Variants in PKD1 observed in about 807,000 individuals in gnomAD.
PKD1 encodes the protein polycystin-1.
In PKD1, 81 loss-of-function variants were observed where a neutral mutation model predicts 361.7. That is an observed-to-expected ratio of 0.22 (90% CI 0.19 to 0.27). The LOEUF (loss-of-function observed/expected upper bound fraction) is 0.27, where lower values mean the gene tolerates loss of function less well. Ranked by LOEUF, PKD1 falls within the 10% of genes least tolerant of loss-of-function variation. The pLI, the probability that PKD1 is intolerant of heterozygous loss-of-function variation, is 1.00. For synonymous variants in PKD1, 3,615 were observed against 2,818.3 expected (o/e 1.28, Z -8.95); for missense variants, 6,399 against 6,118.3 (o/e 1.05, Z -1.53).
At chr16:2,101,308 A>C (rs1333586902) in intron 26 of PKD1, among the ~76,000 whole-genome samples, 1 of 151,986 alleles carries the variant, frequency 6.6e-6, no homozygotes, top group African/African-American at 2.4e-5. Flanking sequence ...GTAGGTAATC[A>C]AAAGAAAGAA....
rs1454246706 is a variant in PKD1, at chr16:2,097,802, G to A, written c.10168-22C>T. ...CCTGCTGAGAGGTGCACAGTGTCTTGAGTCCAAGCTGCGCCAAGGCGGCAG... is the reference window on the plus strand; with the variant it reads ...CCTGCTGAGAGGTGCACAGTGTCTTAAGTCCAAGCTGCGCCAAGGCGGCAG... On this transcript the variant is annotated intron_variant, in intron 31 of 45. Transcript: ENST00000262304. 1.9e-6 allele frequency: 3 copies of A among 1,611,434 alleles called. No homozygotes were observed. The East Asian group carries it at 6.7e-5, about 36-fold the overall frequency.
At chr16:2,112,026 G>C (rs886890045) in intron 14 of PKD1, among the ~76,000 whole-genome samples, 155 bp from the exon 15 acceptor site, 1 of 152,238 alleles carries the variant, frequency 6.6e-6, no homozygotes, top group African/African-American at 2.4e-5. Flanking sequence ...GCGGGACGGA[G>C]CACAGGTGTA....
In PKD1 at chr16:2,107,637, G is replaced by A. The variant is rs554624500; in HGVS notation, c.7065+246C>T. On this transcript the variant is annotated intron_variant, in intron 16 of 45. Transcript: ENST00000262304. ...TGGGAAGGGGCTCTTCCTCACTGTT[G>A]GTATTGCTAGGGGACTGTGTAGCTT... 2.2e-5 allele frequency: 13 copies of A among 590,294 alleles called. No individual in the cohort carries two copies. In the Admixed American group the frequency reaches 2.9e-4, roughly 13 times the overall value. 36.6% of individuals were successfully genotyped at this position (590,294 alleles called of 1,614,324 possible).
chr16:2,110,716 G>A lies in PKD1; in HGVS notation c.4451C>T (p.Pro1484Leu), dbSNP rs759853409. 33 of 1,609,964 alleles carry A rather than the reference G, an allele frequency of 2.0e-5. No individual in the cohort carries two copies. Among genetic ancestry groups the A allele is most frequent in the African/African-American group, 6.7e-5 (5 of 74,864 alleles). ...NGSLGLELQQ[P>L]YLFSAVGRGR... ...ACGGCCCACAGCAGAGAACAGGTAC[G>A]GCTGCTGCAGCTCCAGCCCAAGGGA... Residue 1484 changes from proline to leucine, a missense_variant, in exon 15 of 46, where the codon CCG (proline) becomes CTG (leucine). Pro to Leu is a moderately conservative substitution (Grantham distance 98). Coordinates refer to ENST00000262304, the MANE Select transcript of PKD1 (RefSeq NM_001009944.3).
Position 2,106,519 on chromosome 16 carries a change from C to T in PKD1, c.7368G>A (p.Glu2456=). The change falls in exon 18 of 46, where the codon GAG becomes GAA. Residue 2456 remains glutamate (E), a synonymous_variant. Coordinates refer to ENST00000262304, the MANE Select transcript of PKD1 (RefSeq NM_001009944.3). This position sits in a 1 kb window ranked among gnomAD's most constrained non-coding sequence, Gnocchi z 6.5. ...GGCGGATGGAGGCGCAGCCCTCCTC[C>T]TCGCCAGAGCGGCCCAGCACCGTGA... is the stretch of plus-strand genomic sequence containing the variant. ...FTLTVLGRSG[E]EEGCASIRLS... The T allele has an allele frequency of 2.5e-6, 4 of 1,595,892 alleles. No homozygotes were observed. Among genetic ancestry groups the T allele is most frequent in the Non-Finnish European group, 3.4e-6 (4 of 1,178,900 alleles).
At chr16:2,112,736 G>C (rs2092549742) in intron 13 of PKD1, 52 bp downstream of exon 13, 17 of 1,568,348 alleles carry the variant, frequency 1.1e-5, no homozygotes, top group Non-Finnish European at 1.4e-5. Flanking sequence ...CTGAGGCTGG[G>C]GCTGGGACAA....
At position 2,109,319 on chromosome 16, in the gene PKD1, C is replaced by G. The variant is rs771669643; in HGVS notation, c.5848G>C (p.Val1950Leu). 2.0e-5 allele frequency: 31 copies of G among 1,587,504 alleles called. No homozygotes were observed. The highest frequency in any genetic ancestry group is 4.5e-5 in the East Asian group (2 of 44,560). ...FPRVGDHVVS[V>L]RGKNHVSWAQ... is the part of the protein sequence containing the mutation. Reference sequence around the variant, plus strand: ...CAGCTCACGTGGTTTTTGCCCCGCACGCTCACCACGTGGTCTCCGACGCGG... The same window carrying G: ...CAGCTCACGTGGTTTTTGCCCCGCAGGCTCACCACGTGGTCTCCGACGCGG... Residue 1950 changes from valine to leucine, a missense_variant, in exon 15 of 46, where the codon GTG becomes CTG. Physicochemically the swap from Val to Leu is conservative, Grantham distance 32. Transcript: ENST00000262304.
chr16:2,128,956 C>T (rs558568228), intron 1 of PKD1, among the ~76,000 whole-genome samples: 11 of 152,052 alleles, frequency 7.2e-5, no homozygotes, highest in Admixed American at 5.9e-4. Flanking sequence ...CTCCGCCTCC[C>T]GGGTTCAAGT....
chr16:2,104,859 A>G (rs2092273628), intron 21 of PKD1, among the ~76,000 whole-genome samples: 1 of 83,184 alleles, frequency 1.2e-5, no homozygotes, highest in South Asian at 4.7e-4. Flanking sequence ...CACCGACCAC[A>G]CAAGGCACCT....
rs200491536 is a variant in PKD1, at chr16:2,103,722, C to T, written c.8335G>A (p.Glu2779Lys). ...LNEEPLTLAG[E>K]EIVAQGKRSD... is the part of the protein sequence containing the mutation. Reference sequence around the variant, plus strand: ...CGCTTGCCCTGGGCCACGATCTCCTCGCCCGCCAGCGTCAGGGGCTCCTCG... The same window carrying T: ...CGCTTGCCCTGGGCCACGATCTCCTTGCCCGCCAGCGTCAGGGGCTCCTCG... The change falls in exon 23 of 46, where the codon GAG becomes AAG. Residue 2779 changes from glutamate (E) to lysine (K), a missense_variant. Physicochemically the swap from Glu to Lys is moderately conservative, Grantham distance 56. Coordinates refer to ENST00000262304, the MANE Select transcript of PKD1 (RefSeq NM_001009944.3). 3.6e-4 allele frequency: 577 copies of T among 1,609,856 alleles called. 2 individuals are homozygous for T. The highest frequency in any genetic ancestry group is 1.5e-4 in the Admixed American group (9 of 59,958).
chr16:2,115,691 G>T lies in PKD1; in HGVS notation c.1850-66C>A, dbSNP rs1486098757. 19 of 1,457,140 alleles carry T rather than the reference G, an allele frequency of 1.3e-5. No homozygotes were observed. The African/African-American group carries it at 2.6e-4, about 20-fold the overall frequency. The allele number at this position is 1,457,140 out of a possible 1,614,324, so 90.3% of individuals were successfully genotyped here. On this transcript the variant is annotated intron_variant, in intron 9 of 45. Transcript: ENST00000262304. ...AGGCCACCGTCAGAGATGCCCAACT[G>T]CCTGCACCAGCAATCCTGGCCTTGC...
chr16:2,109,410 G>A lies in PKD1; in HGVS notation c.5757C>T (p.Phe1919=), dbSNP rs373335256. The part of the protein sequence containing the change: ...ILLAAGSAVT[F]RLQVGGANPE... ...GGTTGGCCCCGCCGACCTGCAGGCG[G>A]AAGGTGACAGCTGAGCCGGCAGCCA... Residue 1919 remains phenylalanine, a synonymous_variant, in exon 15 of 46, where the codon TTC becomes TTT. Coordinates refer to ENST00000262304, the MANE Select transcript of PKD1 (RefSeq NM_001009944.3). The A allele has an allele frequency of 5.0e-6, 8 of 1,601,336 alleles. No individual in the cohort carries two copies. In the East Asian group the frequency reaches 1.1e-4, roughly 22 times the overall value.
In PKD1 at chr16:2,118,225, G is replaced by T; in HGVS notation, c.767C>A (p.Ala256Asp). ...GAGGGTGGGGCCCCTACAGGTGGGG[G>T]CAGGAGGTGGCGGGGGGCCGGAGCA... The part of the protein sequence containing the change: ...SLCSGPPPPP[A>D]PTCRGPTLLQ... The change falls in exon 5 of 46, where the codon GCC becomes GAC. Residue 256 changes from alanine to aspartate, a missense_variant. Coordinates refer to ENST00000262304, the MANE Select transcript of PKD1 (RefSeq NM_001009944.3). The surrounding 1 kb of genome is among the most constrained non-coding windows in gnomAD (Gnocchi z 6.0). The T allele has an allele frequency of 6.5e-7, 1 of 1,530,894 alleles. No homozygotes were observed. The highest frequency in any genetic ancestry group is 1.2e-5 in the South Asian group (1 of 84,336). 94.8% of individuals were successfully genotyped at this position (1,530,894 alleles called of 1,614,324 possible). A position where few individuals can be genotyped will look rare whatever the true frequency, so the allele number is the denominator to read the frequency against.
At chr16:2,122,128 G>A (rs2092730550) in intron 1 of PKD1, among the ~76,000 whole-genome samples, 1 of 152,248 alleles carries the variant, frequency 6.6e-6, no homozygotes, top group Non-Finnish European at 1.5e-5. Flanking sequence ...CCAGCTGAGG[G>A]GACAGAGCAG....
chr16:2,113,410 G>C lies in PKD1; in HGVS notation c.2854-118C>G. The C allele has an allele frequency of 3.7e-6, 4 of 1,089,464 alleles. No homozygotes were observed. The South Asian group carries it at 5.6e-5, about 15-fold the overall frequency. 67.5% of individuals were successfully genotyped at this position (1,089,464 alleles called of 1,614,324 possible). A position where few individuals can be genotyped will look rare whatever the true frequency, so the allele number is the denominator to read the frequency against. On this transcript the variant is annotated intron_variant, in intron 11 of 45. Coordinates refer to ENST00000262304, the MANE Select transcript of PKD1 (RefSeq NM_001009944.3). ...CCCACGCGGGGCACAGAGGAGAGGA[G>C]GTGCCCGGGGCTCTGCATGCCATGG...
In PKD1 at chr16:2,091,767, G is replaced by A. The variant is rs773539182; in HGVS notation, c.11537+14C>T. 1.2e-6 allele frequency: 2 copies of A among 1,609,786 alleles called. No individual in the cohort carries two copies. Among genetic ancestry groups the A allele is most frequent in the Admixed American group, 3.3e-5 (2 of 59,818 alleles). On this transcript the variant is annotated intron_variant, in intron 41 of 45. Transcript: ENST00000262304. ...TGCGGCCACCCCGGAGAGGGCAGGG[G>A]AGGGAGCTCCCACCTGTTGTCCAGC...
intron 1 of PKD1, among the ~76,000 whole-genome samples, chr16:2,133,599 G>A (rs1256127009): frequency 3.3e-5 from 5 of 152,026 alleles, no homozygotes; most frequent in South Asian, 2.1e-4. Flanking sequence ...CAGCACAGAG[G>A]GTGGCCTGGG....
In PKD1 at chr16:2,093,545, C is replaced by A. The variant is rs201220835; in HGVS notation, c.11015G>T (p.Arg3672Leu). ...GGCACAGGCCGCACCCAGGCTCACCCGCAGCATGCCATGTAGCCTCTTGAC... is the reference window on the plus strand; with the variant it reads ...GGCACAGGCCGCACCCAGGCTCACCAGCAGCATGCCATGTAGCCTCTTGAC... Reference protein sequence around the residue: ...RKVKRLHGMLRSLLVYMLFLL... With the variant: ...RKVKRLHGMLLSLLVYMLFLL... Residue 3672 changes from arginine to leucine, a missense_variant and splice_region_variant, in exon 37 of 46, where the codon CGG becomes CTG. By Grantham distance (102) the Arg-to-Leu change is moderately radical. Coordinates refer to ENST00000262304, the MANE Select transcript of PKD1 (RefSeq NM_001009944.3). The A allele has an allele frequency of 1.3e-6, 2 of 1,597,364 alleles. No homozygotes were observed. Among genetic ancestry groups the A allele is most frequent in the East Asian group, 4.5e-5 (2 of 44,218 alleles).
At position 2,104,201 on chromosome 16, in the gene PKD1, A is replaced by G. The variant is rs192855696; in HGVS notation, c.8161+297T>C. 0.012 allele frequency among the ~76,000 whole-genome samples: 169 copies of G among 14,612 alleles called. 5 individuals carry two copies. In the East Asian group the frequency reaches 0.15, roughly 13 times the overall value. 9.6% of individuals were successfully genotyped at this position (14,612 alleles called of 152,430 possible). ...GGGGGAAAGGGAGGGGAAGGGGGAT[A>G]AGGGAGGGGAAGGGGGATGAGGGGG... On this transcript the variant is annotated intron_variant, in intron 22 of 45. Transcript: ENST00000262304.
Sources: gnomAD v4.1 joint callset for allele counts (sites outside exome capture counted in the v4.1 genomes callset) on GRCh38, gnomAD v4.1.1 for gene constraint, Gnocchi (gnomAD v3.1) non-coding constraint, MANE v1.5 for transcripts, NCBI Gene and HGNC (gene_info 2026-07-23, HGNC 2026-07-21) for gene names.